The following MAP3K3 variants were observed in gnomAD, a reference collection of about 807,000 sequenced individuals.
MAP3K3 encodes the protein mitogen-activated protein kinase kinase kinase 3.
MAP3K3 carries 12 observed loss-of-function variants against 80.9 expected under a neutral mutation model. The ratio of observed to expected loss-of-function variants is 0.15; its 90% CI spans 0.10 to 0.24. The LOEUF (loss-of-function observed/expected upper bound fraction) is 0.24. MAP3K3 is among the 10% of genes least tolerant of loss of function. The pLI, the probability that MAP3K3 is intolerant of heterozygous loss-of-function variation, is 1.00. For synonymous variants in MAP3K3, 272 were observed against 307.1 expected, an observed-to-expected ratio of 0.89 and a Z score of 1.19; for missense variants, 596 against 834.7, an observed-to-expected ratio of 0.71 and a Z score of 3.52.
chr17:63,685,713 T>C (rs966344205), intron 8 of MAP3K3, 123 bp downstream of exon 8: 2 of 746,444 alleles, frequency 2.7e-6, no homozygotes, highest in African/African-American at 3.5e-5. Flanking sequence ...AAAAGCCTTC[T>C]CCTTAATTTC....
chr17:63,677,039 G>A (rs992148428), intron 6 of MAP3K3, among the ~76,000 whole-genome samples: 2 of 152,346 alleles, frequency 1.3e-5, no homozygotes, highest in East Asian at 3.9e-4. Context: ...GCCACATAGA[G>A]TGAAGGGTAC....
At chr17:63,629,229 TCTC>T (rs2034168629) in intron 1 of MAP3K3, among the ~76,000 whole-genome samples, 1 of 151,996 alleles carries the variant, frequency 6.6e-6, no homozygotes, top group South Asian at 2.1e-4. Context: ...TTCAGGCAAT[TCTC>T]CTGCCTCAGC....
Position 63,657,818 on chromosome 17 carries a change from G to C in MAP3K3, c.292G>C (p.Asp98His), listed in dbSNP as rs1392458792. 1 of 1,599,720 alleles carries C rather than the reference G, an allele frequency of 6.3e-7. No homozygotes were observed. The highest frequency in any genetic ancestry group is 2.2e-5 in the East Asian group (1 of 44,518). The change falls in exon 5 of 16, where the codon GAT becomes CAT. Residue 98 changes from aspartate (D) to histidine (H), a missense_variant. By Grantham distance (81) the Asp-to-His change is moderately conservative. This residue lies in a region of MAP3K3 where 232 missense variants were observed against 245.8 expected (regional missense o/e 0.94). Transcript: ENST00000361733. ...NELSILLKNQDDLDKAIDILD... is the reference protein window; with the variant it reads ...NELSILLKNQHDLDKAIDILD... ...GCTCTCCATCCTGCTGAAAAACCAA[G>C]ATGATCTTGATAAAGCAATTGACAT...
Position 63,645,111 on chromosome 17 carries a change from A to G in MAP3K3, c.127-923A>G, listed in dbSNP as rs193170349. Among the ~76,000 whole-genome samples the G allele has an allele frequency of 2.0e-5, 3 of 152,288 alleles. No homozygotes were observed. The East Asian group carries it at 5.8e-4, about 29-fold the overall frequency. ...ATACTTCTGTTCTTCAATTCATTCA[A>G]CCACTTAACAAATATTATTAAGCAC... On this transcript the variant is annotated intron_variant, in intron 2 of 15. Transcript: ENST00000361733.
At chr17:63,629,363 G>T (rs1003081303) in intron 1 of MAP3K3, among the ~76,000 whole-genome samples, 4 of 152,190 alleles carry the variant, frequency 2.6e-5, no homozygotes, top group African/African-American at 9.6e-5. Flanking sequence ...GACCTCAAGT[G>T]ATCCACGCAT....
Position 63,681,765 on chromosome 17 carries a change from G to T in MAP3K3, c.503-1G>T. 6.7e-7 allele frequency: 1 copy of T among 1,485,034 alleles called. No homozygotes were observed. The highest frequency in any genetic ancestry group is 9.0e-7 in the Non-Finnish European group (1 of 1,110,790). The allele number at this position is 1,485,034 out of a possible 1,614,324, so 92.0% of individuals were successfully genotyped here. On this transcript the variant is annotated splice_acceptor_variant, in intron 6 of 15. Transcript: ENST00000361733. LOFTEE classifies it high-confidence loss of function. ...TTGAAAGCCTCCTTTATGTGCTCTAGGCTCCCAGAACCCTGGCCGAAGCTC... is the reference window on the plus strand; with the variant it reads ...TTGAAAGCCTCCTTTATGTGCTCTATGCTCCCAGAACCCTGGCCGAAGCTC...
chr17:63,651,467 C>T (rs534059351), intron 3 of MAP3K3, among the ~76,000 whole-genome samples: 1 of 152,262 alleles, frequency 6.6e-6, no homozygotes, highest in East Asian at 1.9e-4. Flanking sequence ...GAACGAGACT[C>T]TGTTTTGAAA....
intron 3 of MAP3K3, among the ~76,000 whole-genome samples, chr17:63,649,415 G>C (rs1051527855): frequency 2.0e-5 from 3 of 148,028 alleles, no homozygotes; most frequent in African/African-American, 5.1e-5. Flanking sequence ...CTAGGCGACA[G>C]AGCGAGACTC....
chr17:63,623,541 A>C (rs1786918777), intron 1 of MAP3K3, among the ~76,000 whole-genome samples: 1 of 152,232 alleles, frequency 6.6e-6, no homozygotes, highest in African/African-American at 2.4e-5. Context: ...CTCTGAAATC[A>C]CTTCCTTTTT....
chr17:63,645,643 A>G lies in MAP3K3; in HGVS notation c.127-391A>G, dbSNP rs561654707. Among the ~76,000 whole-genome samples the G allele has an allele frequency of 2.5e-4, 38 of 152,392 alleles. No individual in the cohort carries two copies. The East Asian group carries it at 4.2e-3, about 17-fold the overall frequency. ...TGTGGTCATATAGCTAGAAAGCATC[A>G]GCAGCAAAATTTCTTTTTTGTCTTC... On this transcript the variant is annotated intron_variant, in intron 2 of 15. Transcript: ENST00000361733.
chr17:63,648,131 CTAAAA>C (rs2034576020), intron 3 of MAP3K3, among the ~76,000 whole-genome samples: 1 of 152,206 alleles, frequency 6.6e-6, no homozygotes, highest in Admixed American at 6.5e-5. Context: ...AAGCACTGGC[CTAAAA>C]ATGCCTGTTA....
chr17:63,638,424 C>T (rs2034375685), intron 2 of MAP3K3, among the ~76,000 whole-genome samples: 2 of 152,046 alleles, frequency 1.3e-5, no homozygotes, highest in Admixed American at 6.6e-5. Flanking sequence ...GTTAATAAAT[C>T]CTGATTTTTC....
At chr17:63,678,117 C>T (rs1004969649) in intron 6 of MAP3K3, among the ~76,000 whole-genome samples, 8 of 152,122 alleles carry the variant, frequency 5.3e-5, no homozygotes, top group Non-Finnish European at 8.8e-5. Context: ...CCTGTTTTCT[C>T]GCTTCGGCCC....
chr17:63,662,852 T>TG (rs113839663), intron 5 of MAP3K3, among the ~76,000 whole-genome samples: 41,697 of 150,826 alleles, frequency 0.28, 6,137 homozygotes, highest in Middle Eastern at 0.37. Context: ...GAGATGGGGT[T>TG]GGGCGGGGGG....
intron 2 of MAP3K3, chr17:63,637,014 TG>T: frequency 5.0e-6 from 3 of 596,876 alleles, no homozygotes; most frequent in Admixed American, 4.6e-5. Flanking sequence ...CAGTGTGTGG[TG>T]GGGGACGACA....
chr17:63,688,146 A>G, intron 8 of MAP3K3: 1 of 270,276 alleles, frequency 3.7e-6, no homozygotes, highest in East Asian at 9.3e-5. Context: ...ACTTTAGAAA[A>G]TAGGTAAGAA....
intron 2 of MAP3K3, among the ~76,000 whole-genome samples, chr17:63,635,206 AT>A (rs1435078299): frequency 6.6e-6 from 1 of 152,172 alleles, no homozygotes. Context: ...GGGACTGTTG[AT>A]TTATTGGGCA....
At chr17:63,684,788 G>T (rs11079509) in intron 7 of MAP3K3, among the ~76,000 whole-genome samples, 28,017 of 152,038 alleles carry the variant, frequency 0.18, 3,381 homozygotes, top group Middle Eastern at 0.31. Flanking sequence ...ACCAAGTCTG[G>T]CCCCTATGTA....
chr17:63,676,064 G>A (rs770566362), intron 6 of MAP3K3, among the ~76,000 whole-genome samples: 5 of 152,234 alleles, frequency 3.3e-5, no homozygotes, highest in South Asian at 2.1e-4. Context: ...TTTTCCATTC[G>A]GTTCCTCTGA....
Sources: allele counts gnomAD v4.1 joint callset (sites outside exome capture counted in the v4.1 genomes callset), GRCh38; gene constraint gnomAD v4.1.1; regional missense constraint gnomAD v4.1.1; transcripts MANE v1.5; gene names NCBI Gene and HGNC (gene_info 2026-07-23, HGNC 2026-07-21).